Variants in ADGRV1 observed in about 807,000 individuals in gnomAD.
The protein encoded by ADGRV1 is G-protein coupled receptor 98.
ADGRV1 carries 359 observed loss-of-function variants against 596.2 expected under a neutral mutation model. The observed-to-expected ratio is 0.60, with a 90% CI of 0.55 to 0.66. ADGRV1 has a LOEUF of 0.66. Among genes scored for constraint, ADGRV1 ranks in the 30% least tolerant of loss-of-function variants. The pLI is 0.00. For synonymous variants in ADGRV1, 2,681 were observed against 2,679.2 expected, an observed-to-expected ratio of 1.00 and a Z score of -0.02; for missense variants, 7,274 against 7,575.6, an observed-to-expected ratio of 0.96 and a Z score of 1.48.
At chr5:90,958,283 C>CAAAAAAAAAAAAAAA (rs34676985) in intron 83 of ADGRV1, among the ~76,000 whole-genome samples, 18 of 72,826 alleles carry the variant, frequency 2.5e-4, no homozygotes, top group South Asian at 5.0e-4. Context: ...GACCTTGTCT[C>CAAAAAAAAAAAAAAA]AAAAAAAAAA....
At chr5:90,606,364 G>T (rs1211920170) in intron 1 of ADGRV1, among the ~76,000 whole-genome samples, 1 of 152,128 alleles carries the variant, frequency 6.6e-6, no homozygotes, top group East Asian at 1.9e-4. Context: ...AAATAAGCAT[G>T]TCTTGAGGGT....
In ADGRV1 at chr5:90,810,991, T is replaced by C. The variant is rs778489823; in HGVS notation, c.15731T>C (p.Leu5244Pro). 6.2e-7 allele frequency: 1 copy of C among 1,614,014 alleles called. No homozygotes were observed. Residue 5244 changes from leucine (L) to proline (P), a missense_variant, in exon 74 of 90, where the codon CTT becomes CCT. Around this residue, in one of 5 missense-constraint regions of ADGRV1, gnomAD observed 1,874 missense variants for 1,970.2 expected, o/e 0.95. Transcript: ENST00000405460. ...GGCACATTCAACACTGCAGAAGTTC[T>C]TATCCGAAGAACTGGTGGGTTTACT... is the stretch of plus-strand genomic sequence containing the variant. ...KNGTFNTAEV[L>P]IRRTGGFTGN...
At chr5:91,035,285 T>C (rs1001315018) in intron 85 of ADGRV1, among the ~76,000 whole-genome samples, 40 of 152,334 alleles carry the variant, frequency 2.6e-4, no homozygotes, top group Middle Eastern at 3.4e-3. Flanking sequence ...CAAATCCATC[T>C]TCCCTTGGTG....
At position 90,683,848 on chromosome 5, in the gene ADGRV1, A is replaced by G. The variant is rs1317686063; in HGVS notation, c.5927A>G (p.Tyr1976Cys). 1 of 1,613,720 alleles carries G rather than the reference A, an allele frequency of 6.2e-7. No individual in the cohort carries two copies. Among genetic ancestry groups the G allele is most frequent in the Non-Finnish European group, 8.5e-7 (1 of 1,179,788 alleles). The change falls in exon 28 of 90, where the codon TAT becomes TGT. Residue 1976 changes from tyrosine to cysteine, a missense_variant. Tyr to Cys is a radical substitution (Grantham distance 194, BLOSUM62 -2). Around this residue, in one of 5 missense-constraint regions of ADGRV1, gnomAD observed 3,643 missense variants for 3,809.2 expected, o/e 0.96. Coordinates refer to ENST00000405460, the MANE Select transcript of ADGRV1 (RefSeq NM_032119.4). ...TLTVLASDDP[Y>C]GIFIFSEKNR... ...ACAGTTTTGGCTAGTGATGATCCATATGGGATATTCATTTTTTCTGAGAAA... is the reference window on the plus strand; with the variant it reads ...ACAGTTTTGGCTAGTGATGATCCATGTGGGATATTCATTTTTTCTGAGAAA...
At position 90,815,824 on chromosome 5, in the gene ADGRV1, G is replaced by A. The variant is rs971507191; in HGVS notation, c.16196+88G>A. On this transcript the variant is annotated intron_variant, in intron 75 of 89. Transcript: ENST00000405460. The stretch of plus-strand genomic sequence containing the variant: ...AATTCATACAATGGTGGAGGGCAGG[G>A]TAAGATAGAAGGAGGTAGTGTCGAA... 6.4e-6 allele frequency: 5 copies of A among 782,588 alleles called. No individual in the cohort carries two copies. In the South Asian group the frequency reaches 8.3e-5, roughly 13 times the overall value. 48.5% of individuals were successfully genotyped at this position (782,588 alleles called of 1,614,324 possible).
intron 52 of ADGRV1, among the ~76,000 whole-genome samples, chr5:90,748,439 A>G (rs73772484): frequency 6.7e-6 from 1 of 149,740 alleles, no homozygotes; most frequent in African/African-American, 2.4e-5. Context: ...ACATAAAATT[A>G]TTGAGGAAAT....
chr5:90,970,996 A>G (rs1486636957), intron 84 of ADGRV1, among the ~76,000 whole-genome samples: 4 of 152,234 alleles, frequency 2.6e-5, no homozygotes, highest in Non-Finnish European at 4.4e-5. Context: ...TAACCAGTGT[A>G]GAGAAGTCCT....
chr5:90,754,978 C>A lies in ADGRV1; in HGVS notation c.11378-5C>A, dbSNP rs763050056. The A allele has an allele frequency of 1.2e-6, 2 of 1,603,328 alleles. No individual in the cohort carries two copies. The highest frequency in any genetic ancestry group is 1.7e-6 in the Non-Finnish European group (2 of 1,170,788). On this transcript the variant is annotated splice_region_variant and splice_polypyrimidine_tract_variant and intron_variant, in intron 54 of 89. Transcript: ENST00000405460. ...CTATTTACTCGTGGCATGTTTCTCT[C>A]ACAGAAAACACCACCACTCTTCAGT...
intron 43 of ADGRV1, chr5:90,717,826 T>C (rs1750353942): frequency 6.6e-6 from 1 of 152,184 alleles, no homozygotes; most frequent in African/African-American, 2.4e-5. Context: ...ATTTTTTGTA[T>C]TTTTAGTAAA....
chr5:90,750,798 C>A, intron 53 of ADGRV1, 101 bp downstream of exon 53: 2 of 786,002 alleles, frequency 2.5e-6, no homozygotes, highest in South Asian at 2.1e-5. Flanking sequence ...TGAGTTTGAC[C>A]ATATCAACAC....
intron 83 of ADGRV1, among the ~76,000 whole-genome samples, chr5:90,883,526 T>C (rs1467129514): frequency 6.6e-6 from 1 of 152,142 alleles, no homozygotes; most frequent in Non-Finnish European, 1.5e-5. Context: ...TGATACATAT[T>C]TCCCTTTCAC....
chr5:91,129,833 T>C (rs1436333736), intron 87 of ADGRV1, among the ~76,000 whole-genome samples: 3 of 152,220 alleles, frequency 2.0e-5, no homozygotes, highest in African/African-American at 7.2e-5. Context: ...TTTTTAACAC[T>C]ATTTAGTGTC....
intron 83 of ADGRV1, among the ~76,000 whole-genome samples, chr5:90,937,248 T>G (rs1775772983): frequency 6.6e-6 from 1 of 152,152 alleles, no homozygotes; most frequent in East Asian, 1.9e-4. Context: ...TTCATATACT[T>G]TTACTATTTC....
intron 30 of ADGRV1, 42 bp from the exon 31 acceptor site, chr5:90,690,755 C>T: frequency 6.4e-7 from 1 of 1,561,984 alleles, no homozygotes. Flanking sequence ...ATCTCTGTTT[C>T]ACTTTGTATT....
intron 86 of ADGRV1, among the ~76,000 whole-genome samples, chr5:91,100,555 T>C (rs982705441): frequency 6.6e-6 from 1 of 152,002 alleles, no homozygotes; most frequent in African/African-American, 2.4e-5. Context: ...ATGGATAATA[T>C]GCTAAATAAG....
chr5:90,815,634 A>G lies in ADGRV1; in HGVS notation c.16094A>G (p.Asn5365Ser), dbSNP rs1218951482. Residue 5365 changes from asparagine to serine, a missense_variant, in exon 75 of 90, where the codon AAT becomes AGT. Asn to Ser is a conservative substitution (Grantham distance 46). Coordinates refer to ENST00000405460, the MANE Select transcript of ADGRV1 (RefSeq NM_032119.4). The part of the protein sequence containing the change: ...MVIITGSDLH[N>S]GIIGFSEESQ... ...TTTTTTTCAGGGAGTGACCTTCACA[A>G]TGGCATCATAGGATTCAGTGAGGAG... 6 of 1,565,936 alleles carry G rather than the reference A, an allele frequency of 3.8e-6. No homozygotes were observed. The highest frequency in any genetic ancestry group is 2.7e-5 in the African/African-American group (2 of 73,976).
intron 85 of ADGRV1, among the ~76,000 whole-genome samples, chr5:90,993,913 G>C (rs1005655800): frequency 1.3e-5 from 2 of 149,354 alleles, no homozygotes; most frequent in Non-Finnish European, 3.0e-5. Context: ...TAATTTTTTT[G>C]GTTCTATTTT....
intron 87 of ADGRV1, among the ~76,000 whole-genome samples, chr5:91,148,937 T>A (rs549672247): frequency 6.6e-6 from 1 of 152,364 alleles, no homozygotes; most frequent in Non-Finnish European, 1.5e-5. Flanking sequence ...ATGACTGCCC[T>A]ATTGGATTTT....
intron 89 of ADGRV1, among the ~76,000 whole-genome samples, chr5:91,157,877 A>G (rs1796602025): frequency 6.6e-6 from 1 of 152,210 alleles, no homozygotes; most frequent in East Asian, 1.9e-4. Context: ...ACCACAAGTT[A>G]AAGGAATCCC....
Sources: gnomAD v4.1 joint callset for allele counts (sites outside exome capture counted in the v4.1 genomes callset) on GRCh38, gnomAD v4.1.1 for gene constraint, gnomAD v4.1.1 regional missense constraint, MANE v1.5 for transcripts, NCBI Gene and HGNC (gene_info 2026-07-23, HGNC 2026-07-21) for gene names.